The following TNIK variants were observed in gnomAD, a reference collection of about 807,000 sequenced individuals.
TNIK encodes TRAF2 and NCK-interacting protein kinase.
TNIK carries 49 observed loss-of-function variants against 191.3 expected under a neutral mutation model. That is an observed-to-expected ratio of 0.26 (90% CI 0.20 to 0.32). TNIK has a LOEUF of 0.32. Among genes scored for constraint, TNIK ranks in the 10% least tolerant of loss-of-function variants. The pLI is 1.00. For synonymous variants in TNIK, 594 were observed against 600.9 expected (o/e 0.99, Z 0.17); for missense variants, 1,155 against 1,702.3 (o/e 0.68, Z 5.66).
chr3:171,101,415 C>T (rs1723537736), intron 22 of TNIK, 34 bp downstream of exon 22: 5 of 1,560,366 alleles, frequency 3.2e-6, no homozygotes, highest in Non-Finnish European at 4.3e-6. Context: ...ACCTAGTCCC[C>T]TCCCGGTCTA....
intron 27 of TNIK, 57 bp from the exon 28 acceptor site, chr3:171,079,709 T>C (rs2108356780): frequency 6.5e-7 from 1 of 1,530,128 alleles, no homozygotes; most frequent in East Asian, 2.3e-5. Context: ...CACTTTTTCC[T>C]TCCCCACCTC....
intron 22 of TNIK, among the ~76,000 whole-genome samples, chr3:171,094,210 C>G (rs1722436756): frequency 6.6e-6 from 1 of 151,888 alleles, no homozygotes; most frequent in South Asian, 2.1e-4. Flanking sequence ...TCTTGACTCA[C>G]TGCAAGCTCT....
chr3:171,254,657 T>C (rs1746626396), intron 2 of TNIK, among the ~76,000 whole-genome samples: 1 of 152,204 alleles, frequency 6.6e-6, no homozygotes, highest in Non-Finnish European at 1.5e-5. Context: ...GACTCCCAAC[T>C]ACTAATACAG....
At chr3:171,143,792 G>A (rs957081867) in intron 12 of TNIK, among the ~76,000 whole-genome samples, 1 of 152,196 alleles carries the variant, frequency 6.6e-6, no homozygotes, top group African/African-American at 2.4e-5. Flanking sequence ...AGAGGGGAGA[G>A]CCCTGCAGAG....
At chr3:171,200,958 C>T (rs1283846356) in intron 4 of TNIK, among the ~76,000 whole-genome samples, 1 of 152,144 alleles carries the variant, frequency 6.6e-6, no homozygotes, top group African/African-American at 2.4e-5. Context: ...CAGTCACCCA[C>T]AAGAATAAAT....
rs758034808 is a variant in TNIK at position 171,093,831 on chromosome 3, C to T, written c.2721+8G>A. On this transcript the variant is annotated splice_region_variant and intron_variant, in intron 23 of 32. Transcript: ENST00000436636. ...CATTTCCTCTACACAGTTTTTATAC[C>T]AACTTACCTCTCTAATCATCAAGGT... 2 of 1,612,538 alleles carry T rather than the reference C, an allele frequency of 1.2e-6. No individual in the cohort carries two copies. The highest frequency in any genetic ancestry group is 1.7e-6 in the Non-Finnish European group (2 of 1,179,254).
At chr3:171,420,010 T>C (rs1381659887) in intron 1 of TNIK, among the ~76,000 whole-genome samples, 2 of 152,230 alleles carry the variant, frequency 1.3e-5, no homozygotes, top group East Asian at 1.9e-4. Flanking sequence ...AAAACCAAGA[T>C]GGCTTTTTAG....
chr3:171,321,652 T>C (rs1041655318), intron 2 of TNIK, among the ~76,000 whole-genome samples: 1 of 152,128 alleles, frequency 6.6e-6, no homozygotes, highest in African/African-American at 2.4e-5. Context: ...AGGAGACAGA[T>C]GGACTACAGG....
At chr3:171,324,543 C>A (rs193181086) in intron 2 of TNIK, among the ~76,000 whole-genome samples, 1 of 152,120 alleles carries the variant, frequency 6.6e-6, no homozygotes, top group East Asian at 1.9e-4. Context: ...CCTGAGCTGG[C>A]GAGGGTCAGG....
intron 2 of TNIK, among the ~76,000 whole-genome samples, chr3:171,265,428 T>C (rs1427160580): frequency 6.6e-6 from 1 of 152,232 alleles, no homozygotes; most frequent in Non-Finnish European, 1.5e-5. Flanking sequence ...TAGAAGAGCC[T>C]TCTCAGTGGA....
At chr3:171,297,225 T>C (rs1752390850) in intron 2 of TNIK, among the ~76,000 whole-genome samples, 1 of 152,164 alleles carries the variant, frequency 6.6e-6, no homozygotes, top group Non-Finnish European at 1.5e-5. Context: ...CTGCATCCTA[T>C]TTCAAGCACT....
At chr3:171,352,554 G>C in intron 2 of TNIK, among the ~76,000 whole-genome samples, 1 of 152,284 alleles carries the variant, frequency 6.6e-6, no homozygotes, top group South Asian at 2.1e-4. Flanking sequence ...GGGATGCAAG[G>C]GTTGGTATCA....
chr3:171,406,113 A>C (rs1335067287), intron 1 of TNIK, among the ~76,000 whole-genome samples: 1 of 152,114 alleles, frequency 6.6e-6, no homozygotes, highest in Non-Finnish European at 1.5e-5. Flanking sequence ...AAACAAACAC[A>C]TGTTGAGTTA....
intron 1 of TNIK, among the ~76,000 whole-genome samples, chr3:171,406,815 A>C (rs1192195158): frequency 6.6e-6 from 1 of 152,270 alleles, no homozygotes; most frequent in East Asian, 1.9e-4. Flanking sequence ...CCCATCTTAC[A>C]GATGGCCAGT....
chr3:171,359,192 G>A (rs1368919834), intron 2 of TNIK, among the ~76,000 whole-genome samples: 1 of 152,124 alleles, frequency 6.6e-6, no homozygotes, highest in Non-Finnish European at 1.5e-5. Context: ...TCAGCTAGGA[G>A]CCTCATACCA....
At chr3:171,419,916 T>A (rs1387082835) in intron 1 of TNIK, among the ~76,000 whole-genome samples, 3 of 152,186 alleles carry the variant, frequency 2.0e-5, no homozygotes, top group African/African-American at 7.2e-5. Flanking sequence ...CATTTTTCAA[T>A]ATCCAACAAC....
intron 9 of TNIK, among the ~76,000 whole-genome samples, chr3:171,173,014 C>T (rs1477333878): frequency 6.6e-6 from 1 of 152,174 alleles, no homozygotes; most frequent in African/African-American, 2.4e-5. Context: ...CACTGTAGGG[C>T]AAGGGCTGTT....
chr3:171,107,090 C>T, intron 21 of TNIK, 93 bp downstream of exon 21: 5 of 1,323,274 alleles, frequency 3.8e-6, no homozygotes, highest in Middle Eastern at 1.8e-4. Context: ...CAGCTGATTG[C>T]TCCCATTGGC....
intron 2 of TNIK, among the ~76,000 whole-genome samples, chr3:171,264,517 G>A (rs940653410): frequency 5.3e-5 from 8 of 151,866 alleles, no homozygotes; most frequent in East Asian, 1.9e-4. Context: ...TACCACACCC[G>A]ACTAATTTTG....
Sources: allele counts gnomAD v4.1 joint callset (sites outside exome capture counted in the v4.1 genomes callset), GRCh38; gene constraint gnomAD v4.1.1; transcripts MANE v1.5; gene names NCBI Gene and HGNC (gene_info 2026-07-23, HGNC 2026-07-21).